The following FSTL4 variants were observed in gnomAD, a reference collection of about 807,000 sequenced individuals.
FSTL4 encodes follistatin like 4.
A neutral mutation model predicts 78.2 loss-of-function variants in FSTL4; 28 were observed. That is an observed-to-expected ratio of 0.36 (90% CI 0.27 to 0.49). The LOEUF is 0.49. FSTL4 is among the 20% of genes least tolerant of loss of function. The probability of loss-of-function intolerance (pLI) is 0.98; values close to 1 mark genes in which losing one functional copy is unlikely to be tolerated. For missense variants in FSTL4, 922 were observed against 1,084.9 expected (o/e 0.85, Z 2.11); for synonymous variants, 422 against 440.5 (o/e 0.96, Z 0.53).
At chr5:133,370,046 C>T (rs1360571330) in intron 4 of FSTL4, among the ~76,000 whole-genome samples, 1 of 152,056 alleles carries the variant, frequency 6.6e-6, no homozygotes, top group Non-Finnish European at 1.5e-5. Context: ...GGATTCCAAT[C>T]CCCCTCCTCC....
At chr5:133,517,090 C>A (rs529541378) in intron 3 of FSTL4, among the ~76,000 whole-genome samples, 2 of 146,632 alleles carry the variant, frequency 1.4e-5, no homozygotes, top group African/African-American at 5.2e-5. Context: ...AAAAAAAAAT[C>A]GGCCTTATAG....
chr5:133,218,365 C>T (rs528341606), intron 12 of FSTL4, among the ~76,000 whole-genome samples: 3 of 152,184 alleles, frequency 2.0e-5, no homozygotes, highest in African/African-American at 4.8e-5. Flanking sequence ...CTATAGCATC[C>T]GTGTATGCTC....
At chr5:133,468,461 G>A (rs1561728988) in intron 3 of FSTL4, among the ~76,000 whole-genome samples, 1 of 152,206 alleles carries the variant, frequency 6.6e-6, no homozygotes, top group Non-Finnish European at 1.5e-5. Context: ...AATGGAAGAA[G>A]GTGACTGTGG....
chr5:133,217,440 G>T, intron 12 of FSTL4, 62 bp from the exon 13 acceptor site: 2 of 1,488,056 alleles, frequency 1.3e-6, no homozygotes, highest in South Asian at 1.2e-5. Flanking sequence ...ACATCTCTAG[G>T]TACTCTCTCC....
chr5:133,308,750 A>G (rs1753710158), intron 6 of FSTL4, among the ~76,000 whole-genome samples: 1 of 152,190 alleles, frequency 6.6e-6, no homozygotes, highest in African/African-American at 2.4e-5. Context: ...AGATGAAAAC[A>G]CTGTTTTCCT....
At chr5:133,337,356 C>A (rs1033565091) in intron 4 of FSTL4, among the ~76,000 whole-genome samples, 1 of 110,874 alleles carries the variant, frequency 9.0e-6, no homozygotes, top group Non-Finnish European at 1.9e-5. Context: ...CTCTTGCCCA[C>A]ACTTTCCCTA....
intron 3 of FSTL4, among the ~76,000 whole-genome samples, chr5:133,496,272 G>T (rs1258456784): frequency 6.6e-6 from 1 of 152,196 alleles, no homozygotes; most frequent in South Asian, 2.1e-4. Context: ...AACAAACAAA[G>T]AAAGCAATCT....
intron 4 of FSTL4, among the ~76,000 whole-genome samples, chr5:133,344,929 T>C (rs1406901883): frequency 6.6e-6 from 1 of 151,960 alleles, no homozygotes; most frequent in East Asian, 1.9e-4. Flanking sequence ...GTTCCTTTTC[T>C]GTCTTGCTGG....
chr5:133,624,972 T>C, the FSTL4 span, among the ~76,000 whole-genome samples: 5 of 151,784 alleles, frequency 3.3e-5, no homozygotes, highest in South Asian at 1.0e-3. Context: ...AGTAGTTTTC[T>C]CTTTATTTCT....
At chr5:133,545,612 T>C (rs147648863) in intron 3 of FSTL4, among the ~76,000 whole-genome samples, 6 of 152,194 alleles carry the variant, frequency 3.9e-5, no homozygotes, top group African/African-American at 1.4e-4. Flanking sequence ...TAACAGAAAA[T>C]GGACTAAGAG....
At chr5:133,785,905 T>C in the FSTL4 span, among the ~76,000 whole-genome samples, 1 of 152,230 alleles carries the variant, frequency 6.6e-6, no homozygotes, top group Non-Finnish European at 1.5e-5. Flanking sequence ...AGCTGGCAGA[T>C]GCCAGCCCAT....
At chr5:133,551,260 T>A (rs1267057246) in intron 3 of FSTL4, among the ~76,000 whole-genome samples, 4 of 152,086 alleles carry the variant, frequency 2.6e-5, no homozygotes, top group Non-Finnish European at 2.9e-5. Context: ...GGAGGGAGGA[T>A]AAATCACAAG....
Position 133,199,801 on chromosome 5 carries a change from G to T in FSTL4, c.1827-4C>A. The T allele has an allele frequency of 6.6e-7, 1 of 1,520,970 alleles. No homozygotes were observed. Among genetic ancestry groups the T allele is most frequent in the Non-Finnish European group, 8.9e-7 (1 of 1,121,476 alleles). 94.2% of individuals were successfully genotyped at this position (1,520,970 alleles called of 1,614,324 possible). ...CTTGTTGAAGATGAAGCCAAACCTG[G>T]GAGGGGAAGAACTGAGGTCAGAAGT... On this transcript the variant is annotated splice_polypyrimidine_tract_variant and splice_region_variant and intron_variant, in intron 15 of 15. Transcript: ENST00000265342. The surrounding 1 kb of genome is among the most constrained non-coding windows in gnomAD (Gnocchi z 4.4).
At chr5:133,345,475 T>C (rs1246626652) in intron 4 of FSTL4, among the ~76,000 whole-genome samples, 1 of 152,228 alleles carries the variant, frequency 6.6e-6, no homozygotes, top group African/African-American at 2.4e-5. Context: ...GCTTTTGGTG[T>C]TTTAGTCATG....
At chr5:133,319,114 C>T (rs1753983137) in intron 4 of FSTL4, among the ~76,000 whole-genome samples, 1 of 152,200 alleles carries the variant, frequency 6.6e-6, no homozygotes, top group Non-Finnish European at 1.5e-5. Flanking sequence ...AGCATCCTCC[C>T]CAGGCTCGGC....
At chr5:133,544,519 C>T (rs1303278181) in intron 3 of FSTL4, among the ~76,000 whole-genome samples, 2 of 152,148 alleles carry the variant, frequency 1.3e-5, no homozygotes, top group Non-Finnish European at 2.9e-5. Context: ...GCATCATGTG[C>T]TGCTATTCTT....
chr5:133,466,848 T>C (rs547448480), intron 3 of FSTL4, among the ~76,000 whole-genome samples: 5 of 152,152 alleles, frequency 3.3e-5, no homozygotes. Context: ...GCCTGAGGAA[T>C]GAGGAGCAGT....
At chr5:133,243,375 C>T (rs1202635730) in intron 7 of FSTL4, among the ~76,000 whole-genome samples, 1 of 152,124 alleles carries the variant, frequency 6.6e-6, no homozygotes, top group African/African-American at 2.4e-5. Flanking sequence ...TGAGAATATC[C>T]TGGCTAAACA....
the FSTL4 span, among the ~76,000 whole-genome samples, chr5:133,755,028 T>A: frequency 6.6e-6 from 1 of 152,114 alleles, no homozygotes; most frequent in African/African-American, 2.4e-5. Context: ...GCCTCCCACA[T>A]GGCCTCCATC....
Sources: allele counts gnomAD v4.1 joint callset (sites outside exome capture counted in the v4.1 genomes callset), GRCh38; gene constraint gnomAD v4.1.1; non-coding constraint Gnocchi (gnomAD v3.1); transcripts MANE v1.5; gene names NCBI Gene and HGNC (gene_info 2026-07-23, HGNC 2026-07-21).